The following TRMT10B variants were observed in gnomAD, a reference collection of about 807,000 sequenced individuals.
The protein encoded by TRMT10B is tRNA methyltransferase 10B, also known as tRNA methyltransferase 10 homolog B.
TRMT10B carries 33 observed loss-of-function variants against 43.8 expected under a neutral mutation model. The ratio of observed to expected loss-of-function variants is 0.75; its 90% CI spans 0.57 to 1.01. TRMT10B has a LOEUF of 1.01. Among genes scored for constraint, TRMT10B ranks in the 50% least tolerant of loss-of-function variants. The pLI is 0.00. For synonymous variants in TRMT10B, 137 were observed against 130.6 expected, an observed-to-expected ratio of 1.05 and a Z score of -0.34; for missense variants, 362 against 369.8, an observed-to-expected ratio of 0.98 and a Z score of 0.17.
chr9:37,771,309 A>G (rs1827553124), intron 7 of TRMT10B, among the ~76,000 whole-genome samples: 1 of 152,234 alleles, frequency 6.6e-6, no homozygotes, highest in Admixed American at 6.5e-5. Context: ...ATAAAAGAGT[A>G]GAATGAAAGT....
intron 1 of TRMT10B, among the ~76,000 whole-genome samples, chr9:37,760,909 C>T (rs901599950): frequency 2.6e-5 from 4 of 152,164 alleles, no homozygotes; most frequent in African/African-American, 7.2e-5. Flanking sequence ...TGACTCATAT[C>T]GTTCAGATTT....
At chr9:37,761,878 C>T in intron 1 of TRMT10B, 25 bp from the exon 2 acceptor site, 2 of 1,493,556 alleles carry the variant, frequency 1.3e-6, no homozygotes, top group Non-Finnish European at 1.8e-6. Context: ...AATGTAATAG[C>T]TCACATAATT....
intron 1 of TRMT10B, 85 bp from the exon 2 acceptor site, chr9:37,761,818 C>T (rs1554676207): frequency 4.7e-5 from 45 of 957,360 alleles, no homozygotes; most frequent in Non-Finnish European, 4.6e-6. Flanking sequence ...TTCAGTAACA[C>T]AATAACACTT....
At chr9:37,767,927 C>A in intron 4 of TRMT10B, 149 bp from the exon 5 acceptor site, 2 of 661,178 alleles carry the variant, frequency 3.0e-6, no homozygotes, top group Non-Finnish European at 2.5e-6. Context: ...AGGTGTGATG[C>A]CATAAGGTAT....
chr9:37,777,875 C>G lies in TRMT10B; in HGVS notation c.*168C>G. 1 of 515,454 alleles carries G rather than the reference C, an allele frequency of 1.9e-6. No individual in the cohort carries two copies. Among genetic ancestry groups the G allele is most frequent in the Non-Finnish European group, 3.5e-6 (1 of 284,578 alleles). 31.9% of individuals were successfully genotyped at this position (515,454 alleles called of 1,614,324 possible). On this transcript the variant is annotated 3_prime_UTR_variant, in exon 9 of 9. Coordinates refer to ENST00000297994, the MANE Select transcript of TRMT10B (RefSeq NM_144964.4). ...CAAAAATTAGCCAGGTGTGGTGGCG[C>G]ATACCTGTAGTCCCAGCTACTTGGG...
chr9:37,754,674 C>T (rs142262835), intron 1 of TRMT10B, among the ~76,000 whole-genome samples: 26 of 152,178 alleles, frequency 1.7e-4, no homozygotes, highest in African/African-American at 5.3e-4. Context: ...ATTGGAGCCC[C>T]ATGAAAGCAG....
upstream of TRMT10B, among the ~76,000 whole-genome samples, chr9:37,753,055 G>A (rs1825108417): frequency 2.6e-5 from 4 of 151,682 alleles, no homozygotes; most frequent in Non-Finnish European, 2.9e-5. Flanking sequence ...AGGCCCGTGT[G>A]ACCACGAACC....
At chr9:37,763,820 C>T (rs745506662) in intron 4 of TRMT10B, 67 bp downstream of exon 4, 16 of 1,610,294 alleles carry the variant, frequency 9.9e-6, no homozygotes, top group East Asian at 4.5e-5. Flanking sequence ...TACAGCTTTC[C>T]GAAGAATATG....
intron 4 of TRMT10B, among the ~76,000 whole-genome samples, chr9:37,765,825 C>A (rs573003921): frequency 1.4e-4 from 22 of 152,170 alleles, no homozygotes; most frequent in African/African-American, 5.1e-4. Flanking sequence ...ATTTGCATTT[C>A]TCTGATGGCT....
Position 37,776,285 on chromosome 9 carries a change from G to A in TRMT10B, c.724G>A (p.Val242Met), listed in dbSNP as rs781416388. 2 of 1,536,232 alleles carry A rather than the reference G, an allele frequency of 1.3e-6. No individual in the cohort carries two copies. Among genetic ancestry groups the A allele is most frequent in the South Asian group, 2.6e-5 (2 of 77,942 alleles). The change falls in exon 8 of 9, where the codon GTG becomes ATG. Residue 242 changes from valine (V) to methionine (M), a missense_variant. Transcript: ENST00000297994. The stretch of plus-strand genomic sequence containing the variant: ...ATATTTAACTATATATTTACAGAAG[G>A]TGACATTTCAAAAGGCCCGGGAATA... ...GLVDESIQKK[V>M]TFQKAREYSV...
At chr9:37,753,037 C>T (rs931239096), upstream of TRMT10B, among the ~76,000 whole-genome samples, 2 of 152,158 alleles carry the variant, frequency 1.3e-5, no homozygotes, top group Admixed American at 6.6e-5. Context: ...ATTTGCAGCT[C>T]TTTCTTGAGG....
chr9:37,774,068 C>T (rs1827877160), intron 7 of TRMT10B, among the ~76,000 whole-genome samples: 1 of 152,100 alleles, frequency 6.6e-6, no homozygotes, highest in Non-Finnish European at 1.5e-5. Flanking sequence ...CTCTGCTGCC[C>T]AGGCTGGAGG....
At chr9:37,774,534 C>T (rs1057154723) in intron 7 of TRMT10B, among the ~76,000 whole-genome samples, 3 of 152,100 alleles carry the variant, frequency 2.0e-5, no homozygotes, top group Admixed American at 1.3e-4. Context: ...AATCATTGTG[C>T]AAAGAACATA....
At chr9:37,756,598 C>T (rs1322849169) in intron 1 of TRMT10B, among the ~76,000 whole-genome samples, 3 of 151,844 alleles carry the variant, frequency 2.0e-5, no homozygotes, top group South Asian at 2.1e-4. Flanking sequence ...CCCAGCTACT[C>T]GGGAGGCTGA....
chr9:37,771,313 T>C (rs190931417), intron 7 of TRMT10B, among the ~76,000 whole-genome samples: 15 of 152,336 alleles, frequency 9.8e-5, no homozygotes, highest in Admixed American at 9.1e-4. Flanking sequence ...AAGAGTAGAA[T>C]GAAAGTCTTT....
chr9:37,764,773 G>A (rs1826803451), intron 4 of TRMT10B, among the ~76,000 whole-genome samples: 1 of 151,976 alleles, frequency 6.6e-6, no homozygotes, highest in Admixed American at 6.6e-5. Flanking sequence ...GATGAAAGAG[G>A]GATTCCCACA....
chr9:37,753,287 A>G (rs980131187), upstream of TRMT10B, among the ~76,000 whole-genome samples: 3 of 152,182 alleles, frequency 2.0e-5, no homozygotes, highest in East Asian at 1.9e-4. Flanking sequence ...ACACAATATG[A>G]TATCAGGTTG....
At chr9:37,764,112 T>C (rs1234399625) in intron 4 of TRMT10B, among the ~76,000 whole-genome samples, 1 of 152,054 alleles carries the variant, frequency 6.6e-6, no homozygotes, top group East Asian at 1.9e-4. Flanking sequence ...TGTGGGAAGA[T>C]TACCTGGTGG....
chr9:37,765,837 G>A (rs1826927642), intron 4 of TRMT10B, among the ~76,000 whole-genome samples: 1 of 152,062 alleles, frequency 6.6e-6, no homozygotes, highest in Non-Finnish European at 1.5e-5. Flanking sequence ...CTGATGGCTA[G>A]TGATGATGAG....
Sources: allele counts gnomAD v4.1 joint callset (sites outside exome capture counted in the v4.1 genomes callset), GRCh38; gene constraint gnomAD v4.1.1; transcripts MANE v1.5; gene names NCBI Gene and HGNC (gene_info 2026-07-23, HGNC 2026-07-21).